The following C14orf132 variants were observed in gnomAD, a reference collection of about 807,000 sequenced individuals.
C14orf132 encodes the protein uncharacterized protein C14orf132.
C14orf132 carries 6 observed loss-of-function variants against 5.8 expected under a neutral mutation model. The ratio of observed to expected loss-of-function variants is 1.03; its 90% CI spans 0.57 to 2.04. The LOEUF (loss-of-function observed/expected upper bound fraction) is 2.04. Among genes scored for constraint, C14orf132 ranks in the 30% most tolerant of loss-of-function variants. The pLI is 0.00. For missense variants in C14orf132, 125 were observed against 115.8 expected (o/e 1.08, Z -0.37); for synonymous variants, 51 against 49.8 (o/e 1.02, Z -0.10).
In C14orf132 at chr14:96,087,774, G is replaced by A. The variant is rs545136718; in HGVS notation, c.*1039G>A. 1 of 152,156 alleles carries A rather than the reference G, an allele frequency of 6.6e-6. No homozygotes were observed. The highest frequency in any genetic ancestry group is 2.1e-4 in the South Asian group (1 of 4,826). 9.4% of individuals were successfully genotyped at this position (152,156 alleles called of 1,614,324 possible). On this transcript the variant is annotated 3_prime_UTR_variant, in exon 2 of 2. Transcript: ENST00000555004. ...GATACCCGTCCTTTACATTCAGTGT[G>A]GATACCGTGCATTCTCCTGAAGCTG...
intron 1 of C14orf132, among the ~76,000 whole-genome samples, chr14:96,075,165 G>C (rs899679384): frequency 6.6e-6 from 1 of 152,074 alleles, no homozygotes; most frequent in Admixed American, 6.5e-5. Context: ...TTATTTTTTG[G>C]TGTTGTTGTA....
rs1888357418 is a variant in C14orf132, at chr14:96,090,494, T to A, written c.*3759T>A. The A allele has an allele frequency of 2.5e-6, 1 of 402,716 alleles. No individual in the cohort carries two copies. Among genetic ancestry groups the A allele is most frequent in the Non-Finnish European group, 5.0e-6 (1 of 199,784 alleles). The allele number at this position is 402,716 out of a possible 1,614,324, so 24.9% of individuals were successfully genotyped here. On this transcript the variant is annotated 3_prime_UTR_variant, in exon 2 of 2. Coordinates refer to ENST00000555004, the MANE Select transcript of C14orf132 (RefSeq NM_001252507.3). ...TCTTTGAGAAGAGGCCAGACGCCGC[T>A]GTAGCCAGGCCTGTCTTAAGAGGAC...
At chr14:96,073,464 C>T (rs559684880) in intron 1 of C14orf132, among the ~76,000 whole-genome samples, 1 of 152,256 alleles carries the variant, frequency 6.6e-6, no homozygotes, top group African/African-American at 2.4e-5. Context: ...TTAGAGAATG[C>T]AAATCAAAAC....
chr14:96,073,401 A>C (rs1887768749), intron 1 of C14orf132, among the ~76,000 whole-genome samples: 1 of 152,246 alleles, frequency 6.6e-6, no homozygotes, highest in Non-Finnish European at 1.5e-5. Context: ...TCTCAAAAGA[A>C]GACATTCATG....
chr14:96,083,850 G>C (rs531786718), intron 1 of C14orf132, among the ~76,000 whole-genome samples: 1 of 152,200 alleles, frequency 6.6e-6, no homozygotes, highest in Admixed American at 6.5e-5. Flanking sequence ...AATACCTGCC[G>C]GGAGGCAGAG....
intron 1 of C14orf132, among the ~76,000 whole-genome samples, chr14:96,081,468 C>A (rs1350881830): frequency 6.6e-6 from 1 of 152,198 alleles, no homozygotes; most frequent in African/African-American, 2.4e-5. Flanking sequence ...AGGATTCATT[C>A]ATTTACCAAA....
intron 1 of C14orf132, among the ~76,000 whole-genome samples, chr14:96,077,055 A>G (rs1000186271): frequency 2.0e-5 from 3 of 152,212 alleles, no homozygotes; most frequent in African/African-American, 7.2e-5. Context: ...GGTTTGCTTT[A>G]TGACCCAGGA....
At chr14:96,073,759 T>C (rs1023434240) in intron 1 of C14orf132, among the ~76,000 whole-genome samples, 1 of 152,174 alleles carries the variant, frequency 6.6e-6, no homozygotes, top group Non-Finnish European at 1.5e-5. Context: ...TGCAGCACTA[T>C]TCACAAGAGC....
intron 1 of C14orf132, among the ~76,000 whole-genome samples, chr14:96,072,618 A>G (rs368443994): frequency 8.5e-5 from 13 of 152,306 alleles, no homozygotes; most frequent in African/African-American, 2.6e-4. Context: ...AGAACTTTCC[A>G]TCACTCCAAA....
intron 1 of C14orf132, among the ~76,000 whole-genome samples, chr14:96,057,592 C>G (rs1887220036): frequency 6.6e-6 from 1 of 152,278 alleles, no homozygotes; most frequent in Non-Finnish European, 1.5e-5. Flanking sequence ...CAGTGGCACA[C>G]AGGGTGAACC....
At chr14:96,066,994 G>A (rs542257349) in intron 1 of C14orf132, among the ~76,000 whole-genome samples, 1 of 152,136 alleles carries the variant, frequency 6.6e-6, no homozygotes, top group African/African-American at 2.4e-5. Context: ...TCAGGGAAAT[G>A]AACATCCCTC....
In C14orf132 at chr14:96,071,042, G is replaced by A. The variant is rs1034303924; in HGVS notation, c.28-15469G>A. Among the ~76,000 whole-genome samples the A allele has an allele frequency of 2.0e-5, 3 of 152,180 alleles. No homozygotes were observed. In the South Asian group the frequency reaches 6.2e-4, roughly 32 times the overall value. Reference sequence around the variant, plus strand: ...GAGGTTTGTATTAGTCCATTATCATGATGCTAATAAGGACATACCTGAGAC... The same window carrying A: ...GAGGTTTGTATTAGTCCATTATCATAATGCTAATAAGGACATACCTGAGAC... On this transcript the variant is annotated intron_variant, in intron 1 of 1. Coordinates refer to ENST00000555004, the MANE Select transcript of C14orf132 (RefSeq NM_001252507.3).
chr14:96,069,202 T>TATATGTATATAC (rs1887628470), intron 1 of C14orf132, among the ~76,000 whole-genome samples: 1 of 144,338 alleles, frequency 6.9e-6, no homozygotes, highest in African/African-American at 2.6e-5. Flanking sequence ...TATGTATATA[T>TATATGTATATAC]GTTATTGGTT....
intron 1 of C14orf132, among the ~76,000 whole-genome samples, chr14:96,042,685 G>A (rs989327163): frequency 3.9e-5 from 6 of 152,240 alleles, no homozygotes; most frequent in Non-Finnish European, 8.8e-5. Flanking sequence ...CTTAGACAGA[G>A]GTGCCCTCCC....
At chr14:96,068,726 T>A (rs1025564640) in intron 1 of C14orf132, among the ~76,000 whole-genome samples, 1 of 152,108 alleles carries the variant, frequency 6.6e-6, no homozygotes, top group African/African-American at 2.4e-5. Context: ...TCTTGTCACC[T>A]TTAGCATGTG....
intron 1 of C14orf132, among the ~76,000 whole-genome samples, chr14:96,083,462 T>C (rs1053469808): frequency 1.3e-5 from 2 of 152,218 alleles, no homozygotes; most frequent in Non-Finnish European, 2.9e-5. Context: ...GTGATTAAGT[T>C]AAGGATTTTG....
At chr14:96,040,741 G>C (rs190238529) in intron 1 of C14orf132, among the ~76,000 whole-genome samples, 140 of 151,578 alleles carry the variant, frequency 9.2e-4, no homozygotes, top group Non-Finnish European at 1.6e-3. Context: ...TCTGAGTATC[G>C]CTGGCCCTTT....
chr14:96,083,933 A>C (rs1213118987), intron 1 of C14orf132, among the ~76,000 whole-genome samples: 4 of 152,200 alleles, frequency 2.6e-5, no homozygotes, highest in Non-Finnish European at 5.9e-5. Context: ...ACAGGTGCCG[A>C]GTGCCTCCTG....
At position 96,093,835 on chromosome 14, in the gene C14orf132, T is replaced by C. The variant is rs1487792030; in HGVS notation, c.*7100T>C. 6.6e-6 allele frequency: 1 copy of C among 152,240 alleles called. No individual in the cohort carries two copies. The highest frequency in any genetic ancestry group is 2.4e-5 in the African/African-American group (1 of 41,460). The allele number at this position is 152,240 out of a possible 1,614,324, so 9.4% of individuals were successfully genotyped here. On this transcript the variant is annotated 3_prime_UTR_variant, in exon 2 of 2. Transcript: ENST00000555004. ...TGAAATCTCACTTTGTTAGCGTTGC[T>C]GCTGTTGTCATTTTCTATTATGATA...
Sources: allele counts gnomAD v4.1 joint callset (sites outside exome capture counted in the v4.1 genomes callset), GRCh38; gene constraint gnomAD v4.1.1; transcripts MANE v1.5; gene names NCBI Gene and HGNC (gene_info 2026-07-23, HGNC 2026-07-21).